MCPH1: variants seen among roughly 807,000 people sequenced by gnomAD.
The protein encoded by MCPH1 is microcephalin 1, also known as microcephalin.
In MCPH1, 104 loss-of-function variants were observed where a neutral mutation model predicts 84.5. The ratio of observed to expected loss-of-function variants is 1.23; its 90% confidence interval spans 1.05 to 1.45. MCPH1 has a LOEUF of 1.45. MCPH1 is among the 40% of genes most tolerant of loss of function. The probability of loss-of-function intolerance (pLI) is 0.00; values close to 1 mark genes in which losing one functional copy is unlikely to be tolerated. For missense variants in MCPH1, 1,498 were observed against 1,005.7 expected (o/e 1.49, Z -6.62); for synonymous variants, 514 against 366.8 (o/e 1.40, Z -4.58).
chr8:6,484,599 A>G (rs1407716302), intron 11 of MCPH1, among the ~76,000 whole-genome samples: 2 of 152,244 alleles, frequency 1.3e-5, no homozygotes, highest in Non-Finnish European at 2.9e-5. Flanking sequence ...ACTTATCATC[A>G]GCTGGACCTG....
intron 12 of MCPH1, among the ~76,000 whole-genome samples, chr8:6,553,665 A>ATT (rs752171739): frequency 1.4e-5 from 2 of 142,926 alleles, no homozygotes; most frequent in Admixed American, 7.0e-5. Flanking sequence ...TGGTCTCAAA[A>ATT]TTTTTTTTTT....
At chr8:6,542,141 G>A (rs538894834) in intron 12 of MCPH1, among the ~76,000 whole-genome samples, 16 of 152,206 alleles carry the variant, frequency 1.1e-4, no homozygotes, top group African/African-American at 2.9e-4. Flanking sequence ...AAACTAGAGC[G>A]TTCTTGCCTT....
chr8:6,637,829 G>A (rs1245226372), intron 13 of MCPH1, among the ~76,000 whole-genome samples: 1 of 152,142 alleles, frequency 6.6e-6, no homozygotes, highest in African/African-American at 2.4e-5. Flanking sequence ...GGTGATTAGT[G>A]ATGGGGGTTA....
intron 12 of MCPH1, chr8:6,502,848 C>T (rs990847847): frequency 6.7e-6 from 3 of 448,610 alleles, no homozygotes; most frequent in Admixed American, 3.9e-5. Context: ...TTCTCAGCCT[C>T]GGGTTCATCT....
At chr8:6,622,389 G>T (rs544676662) in intron 13 of MCPH1, among the ~76,000 whole-genome samples, 2 of 152,342 alleles carry the variant, frequency 1.3e-5, no homozygotes, top group South Asian at 4.1e-4. Flanking sequence ...GGTTAAGGAA[G>T]AGTGTGAAGC....
intron 12 of MCPH1, among the ~76,000 whole-genome samples, chr8:6,615,333 A>G (rs1830688638): frequency 6.6e-6 from 1 of 152,194 alleles, no homozygotes; most frequent in African/African-American, 2.4e-5. Context: ...TGTAACTTCT[A>G]GGGTGTCCTG....
intron 9 of MCPH1, among the ~76,000 whole-genome samples, chr8:6,471,720 C>T (rs1369329292): frequency 1.3e-5 from 2 of 152,146 alleles, no homozygotes; most frequent in Non-Finnish European, 2.9e-5. Flanking sequence ...ATCCTCTTCC[C>T]CTGGTGGGGT....
rs538262884 is a variant in MCPH1 at position 6,479,496 on chromosome 8, G to A, written c.1974-1218G>A. Reference sequence around the variant, plus strand: ...GTCACCCAGGCTGGAGTGCAGTGGCGCAATCTCCTCCCACTGCAAGCTCCA... The same window carrying A: ...GTCACCCAGGCTGGAGTGCAGTGGCACAATCTCCTCCCACTGCAAGCTCCA... On this transcript the variant is annotated intron_variant, in intron 10 of 13. Coordinates refer to ENST00000344683, the MANE Select transcript of MCPH1 (RefSeq NM_024596.5). 9.1e-4 allele frequency among the ~76,000 whole-genome samples: 138 copies of A among 150,902 alleles called. 1 individual carries two copies. Among genetic ancestry groups the A allele is most frequent in the Middle Eastern group, 6.8e-3 (2 of 294 alleles).
At chr8:6,441,611 G>C (rs1354423936) in intron 6 of MCPH1, among the ~76,000 whole-genome samples, 2 of 152,142 alleles carry the variant, frequency 1.3e-5, no homozygotes, top group African/African-American at 4.8e-5. Flanking sequence ...TGACATTTGG[G>C]TCTGGGTAAT....
At chr8:6,443,907 C>T (rs1803876218) in intron 7 of MCPH1, among the ~76,000 whole-genome samples, 1 of 152,212 alleles carries the variant, frequency 6.6e-6, no homozygotes, top group Non-Finnish European at 1.5e-5. Context: ...TTAAAGCCTA[C>T]CAAATGGCTC....
At chr8:6,566,174 A>G (rs1826136124) in intron 12 of MCPH1, among the ~76,000 whole-genome samples, 1 of 152,228 alleles carries the variant, frequency 6.6e-6, no homozygotes, top group Non-Finnish European at 1.5e-5. Context: ...ATCATGAAAG[A>G]TTCTATTTTC....
intron 12 of MCPH1, among the ~76,000 whole-genome samples, chr8:6,533,569 CTTTTTTTTTTTT>C (rs56882906): frequency 4.4e-5 from 5 of 113,348 alleles, no homozygotes; most frequent in Admixed American, 2.9e-4. Context: ...CGTTTAGTTT[CTTTTTTTTTTTT>C]TTTTTTTTTT....
intron 13 of MCPH1, among the ~76,000 whole-genome samples, chr8:6,631,192 T>C (rs1438094929): frequency 6.6e-6 from 1 of 152,236 alleles, no homozygotes; most frequent in Non-Finnish European, 1.5e-5. Flanking sequence ...ACATGATCTG[T>C]TCTAGTCTAG....
intron 4 of MCPH1, among the ~76,000 whole-genome samples, chr8:6,433,709 TC>T (rs1802199890): frequency 6.6e-6 from 1 of 152,072 alleles, no homozygotes; most frequent in Non-Finnish European, 1.5e-5. Flanking sequence ...TTTTAATTTT[TC>T]CTAATCTGAA....
intron 12 of MCPH1, among the ~76,000 whole-genome samples, chr8:6,536,751 T>A (rs1820576788): frequency 6.6e-6 from 1 of 152,142 alleles, no homozygotes; most frequent in African/African-American, 2.4e-5. Context: ...AGAACAAACC[T>A]AGAAACAAAG....
chr8:6,430,983 G>T (rs1233176358), intron 3 of MCPH1, among the ~76,000 whole-genome samples: 1 of 152,184 alleles, frequency 6.6e-6, no homozygotes, highest in Non-Finnish European at 1.5e-5. Flanking sequence ...CCACAGGGCA[G>T]GAGGAGGAGG....
Position 6,646,284 on chromosome 8 carries a change from G to A in MCPH1, c.*3235G>A, listed in dbSNP as rs1464655139. ...TACTAGAAATACAAAAAATTAGCCA[G>A]GCATGATGGCACACACCTGTAATCT... is the stretch of plus-strand genomic sequence containing the variant. On this transcript the variant is annotated 3_prime_UTR_variant, in exon 14 of 14. Coordinates refer to ENST00000344683, the MANE Select transcript of MCPH1 (RefSeq NM_024596.5). The A allele has an allele frequency of 6.6e-6, 1 of 152,122 alleles. No individual in the cohort carries two copies. The highest frequency in any genetic ancestry group is 2.4e-5 in the African/African-American group (1 of 41,428). The allele number at this position is 152,122 out of a possible 1,614,324, so 9.4% of individuals were successfully genotyped here.
chr8:6,502,106 A>G (rs940792343), intron 12 of MCPH1: 3 of 152,142 alleles, frequency 2.0e-5, no homozygotes, highest in Non-Finnish European at 2.9e-5. Flanking sequence ...AATATATCTT[A>G]CTAGGAAAGA....
rs552424145 is a variant in MCPH1, at chr8:6,500,137, G to T, written c.2214+208G>T. ...AGACCATTGTGCAAAAAGTAGTGAG[G>T]AATGCAGTCCAAAGAAAATTTGACG... On this transcript the variant is annotated intron_variant, in intron 12 of 13. Coordinates refer to ENST00000344683, the MANE Select transcript of MCPH1 (RefSeq NM_024596.5). The T allele has an allele frequency of 2.4e-4, 135 of 565,812 alleles. No individual in the cohort carries two copies. The African/African-American group carries it at 2.4e-3, about 10-fold the overall frequency. 35.0% of individuals were successfully genotyped at this position (565,812 alleles called of 1,614,324 possible). A position where few individuals can be genotyped will look rare whatever the true frequency, so the allele number is the denominator to read the frequency against.
Sources: allele counts gnomAD v4.1 joint callset (sites outside exome capture counted in the v4.1 genomes callset), GRCh38; gene constraint gnomAD v4.1.1; transcripts MANE v1.5; gene names NCBI Gene and HGNC (gene_info 2026-07-23, HGNC 2026-07-21).